Variants in ZNF804B observed in about 807,000 individuals in gnomAD.
ZNF804B encodes zinc finger protein 804B.
ZNF804B carries 80 observed loss-of-function variants against 101.4 expected under a neutral mutation model. The observed-to-expected ratio is 0.79, with a 90% CI of 0.66 to 0.95. The LOEUF is 0.95. Ranked by LOEUF, ZNF804B falls within the 40% of genes least tolerant of loss-of-function variation. The probability of loss-of-function intolerance (pLI) is 0.00; values close to 1 mark genes in which losing one functional copy is unlikely to be tolerated. For synonymous variants in ZNF804B, 622 were observed against 558.8 expected, an observed-to-expected ratio of 1.11 and a Z score of -1.59; for missense variants, 1,673 against 1,561.9, an observed-to-expected ratio of 1.07 and a Z score of -1.20.
chr7:88,973,816 T>C (rs1029871223), intron 1 of ZNF804B, among the ~76,000 whole-genome samples: 1 of 151,574 alleles, frequency 6.6e-6, no homozygotes, highest in Admixed American at 6.6e-5. Context: ...ATAATGTGTA[T>C]AGCTGTTTAT....
At chr7:88,993,390 A>G (rs1206790155) in intron 1 of ZNF804B, among the ~76,000 whole-genome samples, 1 of 152,060 alleles carries the variant, frequency 6.6e-6, no homozygotes, top group Non-Finnish European at 1.5e-5. Flanking sequence ...TTGCAAAGTG[A>G]GGATAAGACT....
At chr7:88,902,000 G>C (rs541769319) in intron 1 of ZNF804B, among the ~76,000 whole-genome samples, 3 of 151,824 alleles carry the variant, frequency 2.0e-5, no homozygotes, top group East Asian at 1.9e-4. Context: ...ATCAAAGCAG[G>C]GGATCATTTA....
intron 1 of ZNF804B, among the ~76,000 whole-genome samples, chr7:89,156,061 T>G (rs867582528): frequency 0.013 from 982 of 77,120 alleles, 17 homozygotes; most frequent in Middle Eastern, 0.038. Context: ...TCTTTCTTTC[T>G]TTCTTTCTTT....
intron 1 of ZNF804B, among the ~76,000 whole-genome samples, chr7:89,158,300 T>C (rs1584022774): frequency 6.6e-6 from 1 of 152,288 alleles, no homozygotes; most frequent in East Asian, 1.9e-4. Flanking sequence ...GCATTCTCTT[T>C]AAATTAATGG....
At chr7:88,865,937 T>C (rs1314265320) in intron 1 of ZNF804B, among the ~76,000 whole-genome samples, 1 of 152,194 alleles carries the variant, frequency 6.6e-6, no homozygotes, top group Non-Finnish European at 1.5e-5. Context: ...ATCACATTGG[T>C]TTAATATGGT....
At chr7:88,854,439 C>CTTTCTTTCTTTCTT (rs1562812670) in intron 1 of ZNF804B, among the ~76,000 whole-genome samples, 86 of 125,662 alleles carry the variant, frequency 6.8e-4, no homozygotes, top group Admixed American at 6.8e-3. Flanking sequence ...TTCTTTCTTT[C>CTTTCTTTCTTTCTT]TTTCTTTCTT....
At chr7:88,789,823 G>T (rs1274976235) in intron 1 of ZNF804B, among the ~76,000 whole-genome samples, 2 of 152,090 alleles carry the variant, frequency 1.3e-5, no homozygotes. Context: ...TTTTGTGTTT[G>T]TAGAGTTATG....
intron 1 of ZNF804B, among the ~76,000 whole-genome samples, chr7:89,203,716 C>T (rs897568453): frequency 6.6e-6 from 1 of 152,014 alleles, no homozygotes; most frequent in African/African-American, 2.4e-5. Flanking sequence ...AACAAGTAAA[C>T]CAAGCAGCAG....
chr7:88,885,524 C>T (rs1049626176), intron 1 of ZNF804B, among the ~76,000 whole-genome samples: 1 of 150,798 alleles, frequency 6.6e-6, no homozygotes, highest in African/African-American at 2.4e-5. Context: ...ATGTTTTCCC[C>T]TTGAATAGTC....
chr7:89,001,918 T>G (rs1007257731), intron 1 of ZNF804B, among the ~76,000 whole-genome samples: 1 of 151,716 alleles, frequency 6.6e-6, no homozygotes, highest in African/African-American at 2.4e-5. Context: ...CATCATGTTA[T>G]ACAGAATACA....
intron 1 of ZNF804B, among the ~76,000 whole-genome samples, chr7:89,201,192 T>C (rs1788627075): frequency 6.6e-6 from 1 of 152,156 alleles, no homozygotes; most frequent in South Asian, 2.1e-4. Flanking sequence ...TTTCACAGAA[T>C]AGAGATTTGC....
At chr7:88,903,696 C>A (rs936650025) in intron 1 of ZNF804B, among the ~76,000 whole-genome samples, 53 of 152,204 alleles carry the variant, frequency 3.5e-4, no homozygotes, top group African/African-American at 1.2e-3. Flanking sequence ...TTGCACTTCC[C>A]TGATGATTAG....
intron 1 of ZNF804B, among the ~76,000 whole-genome samples, chr7:89,169,703 C>T (rs1213772092): frequency 6.6e-6 from 1 of 152,106 alleles, no homozygotes; most frequent in African/African-American, 2.4e-5. Flanking sequence ...ATAGAAATAG[C>T]TCTTTCATTT....
At chr7:88,762,216 C>T (rs1256599400) in intron 1 of ZNF804B, among the ~76,000 whole-genome samples, 1 of 152,210 alleles carries the variant, frequency 6.6e-6, no homozygotes, top group Non-Finnish European at 1.5e-5. Flanking sequence ...ACTTTCTCAA[C>T]ACTATTTGAT....
chr7:89,086,532 TTAAAAA>T (rs1260702761), intron 1 of ZNF804B, among the ~76,000 whole-genome samples: 2 of 152,048 alleles, frequency 1.3e-5, no homozygotes, highest in East Asian at 3.9e-4. Context: ...ATAACAACTA[TTAAAAA>T]TAAAAACTGC....
chr7:89,223,815 A>AT (rs1789041076), intron 2 of ZNF804B, among the ~76,000 whole-genome samples: 1 of 151,566 alleles, frequency 6.6e-6, no homozygotes, highest in Non-Finnish European at 1.5e-5. Context: ...GCCACTCTAT[A>AT]TATAGCTCAC....
intron 2 of ZNF804B, among the ~76,000 whole-genome samples, chr7:89,299,626 G>C (rs1790446282): frequency 6.6e-6 from 1 of 151,982 alleles, no homozygotes; most frequent in African/African-American, 2.4e-5. Context: ...GTGCTTTTCA[G>C]CAATTTACTC....
intron 2 of ZNF804B, among the ~76,000 whole-genome samples, chr7:89,287,268 C>A (rs1188921200): frequency 1.3e-5 from 2 of 151,984 alleles, no homozygotes; most frequent in Non-Finnish European, 2.9e-5. Context: ...GGTTGGTACC[C>A]CTAACCCCTG....
At chr7:89,056,418 C>T (rs374194780) in intron 1 of ZNF804B, among the ~76,000 whole-genome samples, 11 of 152,030 alleles carry the variant, frequency 7.2e-5, no homozygotes, top group South Asian at 2.1e-4. Flanking sequence ...AAGTTGAAAA[C>T]GGGGTTTGAG....
Sources: gnomAD v4.1 joint callset for allele counts (sites outside exome capture counted in the v4.1 genomes callset) on GRCh38, gnomAD v4.1.1 for gene constraint, MANE v1.5 for transcripts, NCBI Gene and HGNC (gene_info 2026-07-23, HGNC 2026-07-21) for gene names.